The following IGF2R variants were observed in gnomAD, a reference collection of about 807,000 sequenced individuals.
The protein encoded by IGF2R is cation-independent mannose-6-phosphate receptor.
Under a neutral mutation model 270.6 loss-of-function variants are expected in IGF2R, and 91 were observed. The observed-to-expected ratio is 0.34, with a 90% CI of 0.28 to 0.40. The LOEUF is 0.40. Among genes scored for constraint, IGF2R ranks in the 10% least tolerant of loss-of-function variants. The pLI, the probability that IGF2R is intolerant of heterozygous loss-of-function variation, is 1.00. For synonymous variants in IGF2R, 1,316 were observed against 1,258.9 expected (o/e 1.05, Z -0.96); for missense variants, 2,805 against 3,188.3 (o/e 0.88, Z 2.90).
chr6:160,059,199 A>G, intron 22 of IGF2R, 101 bp downstream of exon 22: 2 of 953,156 alleles, frequency 2.1e-6, no homozygotes, highest in Admixed American at 2.3e-5. Context: ...ATCCCCCGCC[A>G]CCATGGGCTG....
At position 160,102,778 on chromosome 6, in the gene IGF2R, CA is replaced by C; in HGVS notation, c.6995+108del. 1.6e-6 allele frequency: 2 copies of C among 1,286,010 alleles called. No individual in the cohort carries two copies. The highest frequency in any genetic ancestry group is 2.1e-6 in the Non-Finnish European group (2 of 945,370). 79.7% of individuals were successfully genotyped at this position (1,286,010 alleles called of 1,614,324 possible). A position where few individuals can be genotyped will look rare whatever the true frequency, so the allele number is the denominator to read the frequency against. On this transcript the variant is annotated intron_variant, in intron 46 of 47. Coordinates refer to ENST00000356956, the MANE Select transcript of IGF2R (RefSeq NM_000876.4). The surrounding 1 kb of genome is among the most constrained non-coding windows in gnomAD (Gnocchi z 4.5). ...ATTTATTTGTTTTTAAGCCCTACAG[CA>C]GCGAAGGCTCGAGGTTCTTAGTCCA...
At chr6:160,027,895 A>G (rs1269884526) in intron 6 of IGF2R, among the ~76,000 whole-genome samples, 1 of 152,094 alleles carries the variant, frequency 6.6e-6, no homozygotes, top group Admixed American at 6.6e-5. Context: ...CTCCCCATTC[A>G]GAGGCCTTTG....
chr6:159,972,618 G>GC (rs1783627238), intron 1 of IGF2R, among the ~76,000 whole-genome samples: 1 of 152,220 alleles, frequency 6.6e-6, no homozygotes, highest in Non-Finnish European at 1.5e-5. Context: ...GGACATGAGG[G>GC]CCTGCTTCAG....
intron 37 of IGF2R, among the ~76,000 whole-genome samples, chr6:160,078,788 GATTGTGGC>G (rs1312399267): frequency 6.6e-6 from 1 of 152,196 alleles, no homozygotes; most frequent in Non-Finnish European, 1.5e-5. Flanking sequence ...GTTGTTTGCT[GATTGTGGC>G]AGCTTTGGGA....
chr6:159,969,505 T>G (rs2115161105), intron 1 of IGF2R, 110 bp downstream of exon 1: 6 of 803,770 alleles, frequency 7.5e-6, no homozygotes, highest in Non-Finnish European at 6.3e-6. Flanking sequence ...GTCGCCTCCG[T>G]TCCGCGCCGG....
At chr6:160,089,524 A>G (rs1200279853) in intron 43 of IGF2R, among the ~76,000 whole-genome samples, 1 of 152,246 alleles carries the variant, frequency 6.6e-6, no homozygotes, top group African/African-American at 2.4e-5. Context: ...TTGAAGCCGA[A>G]GCCTTCTGAC....
At chr6:159,991,030 C>T (rs1185875460) in intron 1 of IGF2R, among the ~76,000 whole-genome samples, 154 bp from the exon 2 acceptor site, 1 of 152,196 alleles carries the variant, frequency 6.6e-6, no homozygotes. Context: ...TTCTTTGCAA[C>T]TTAACATACT....
chr6:159,986,022 C>T (rs1322755850), intron 1 of IGF2R, among the ~76,000 whole-genome samples: 2 of 152,064 alleles, frequency 1.3e-5, no homozygotes, highest in African/African-American at 4.8e-5. Flanking sequence ...GAATTTTGTA[C>T]AACTGGGACA....
rs753624419 is a variant in IGF2R at position 160,096,451 on chromosome 6, A to C, written c.6668A>C (p.Asp2223Ala). ...TCCCGTTTGACAGACGGCGATCTCG[A>C]TGTCGTGTTTGCCTCTTCCTCTAAG... ...TKYYLQDGDL[D>A]VVFASSSKCG... is the part of the protein sequence containing the mutation. Residue 2223 changes from aspartate to alanine, a missense_variant, in exon 45 of 48, where the codon GAT (aspartate) becomes GCT (alanine). Asp to Ala is a moderately radical substitution (Grantham distance 126). Around this residue, in one of 2 missense-constraint regions of IGF2R, gnomAD observed 1,851 missense variants for 2,207.2 expected, o/e 0.84. Transcript: ENST00000356956. 4 of 1,610,604 alleles carry C rather than the reference A, an allele frequency of 2.5e-6. No homozygotes were observed. Among genetic ancestry groups the C allele is most frequent in the Non-Finnish European group, 1.7e-6 (2 of 1,178,118 alleles).
intron 20 of IGF2R, among the ~76,000 whole-genome samples, chr6:160,057,317 T>C (rs1248050661): frequency 1.3e-5 from 2 of 152,212 alleles, no homozygotes; most frequent in African/African-American, 2.4e-5. Context: ...CTCCCCAAGG[T>C]AGTGAGTTGT....
At chr6:160,015,488 C>T (rs1273605079) in intron 4 of IGF2R, among the ~76,000 whole-genome samples, 6 of 151,370 alleles carry the variant, frequency 4.0e-5, no homozygotes, top group Admixed American at 6.6e-5. Context: ...GAAACTGTAC[C>T]GCAAAGATGT....
At chr6:160,002,643 T>A (rs1239549067) in intron 2 of IGF2R, among the ~76,000 whole-genome samples, 2 of 152,196 alleles carry the variant, frequency 1.3e-5, no homozygotes, top group Non-Finnish European at 2.9e-5. Context: ...GTACCTCAGA[T>A]GTCTGGCTTA....
chr6:160,044,476 T>A, intron 12 of IGF2R, 38 bp from the exon 13 acceptor site: 1 of 1,514,988 alleles, frequency 6.6e-7, no homozygotes. Flanking sequence ...TGATCATTTT[T>A]AACCACATCT....
At chr6:159,969,909 T>C (rs370719312) in intron 1 of IGF2R, among the ~76,000 whole-genome samples, 1 of 152,000 alleles carries the variant, frequency 6.6e-6, no homozygotes, top group Non-Finnish European at 1.5e-5. Context: ...CTGATTGATT[T>C]CCCCCCGTGG....
intron 22 of IGF2R, 112 bp from the exon 23 acceptor site, chr6:160,060,435 G>A (rs1193654490): frequency 5.0e-6 from 5 of 1,009,952 alleles, no homozygotes; most frequent in South Asian, 3.0e-5. Context: ...TCCCACGAAC[G>A]GCTGTGAAGC....
At chr6:160,003,101 A>G (rs1032953045) in intron 2 of IGF2R, among the ~76,000 whole-genome samples, 9 of 152,176 alleles carry the variant, frequency 5.9e-5, no homozygotes, top group African/African-American at 2.2e-4. Context: ...TTGCCGTCCC[A>G]GGTGATTCAT....
chr6:160,025,057 A>C (rs550706134), intron 5 of IGF2R, among the ~76,000 whole-genome samples: 1 of 152,160 alleles, frequency 6.6e-6, no homozygotes, highest in East Asian at 1.9e-4. Flanking sequence ...CTGGGTGAAA[A>C]AGAAAAAGGG....
intron 44 of IGF2R, chr6:160,094,046 C>CT: frequency 3.5e-6 from 2 of 564,856 alleles, no homozygotes; most frequent in Non-Finnish European, 6.9e-6. Flanking sequence ...AGTACTGGAA[C>CT]TTGACAGTCC....
At chr6:160,088,196 AG>A in intron 42 of IGF2R, 49 bp downstream of exon 42, 1 of 1,187,648 alleles carries the variant, frequency 8.4e-7, no homozygotes, top group Non-Finnish European at 1.3e-6. Context: ...AGCATACTGG[AG>A]GGAATTCCTC....
Sources: gnomAD v4.1 joint callset for allele counts (sites outside exome capture counted in the v4.1 genomes callset) on GRCh38, gnomAD v4.1.1 for gene constraint, gnomAD v4.1.1 regional missense constraint, Gnocchi (gnomAD v3.1) non-coding constraint, MANE v1.5 for transcripts, NCBI Gene and HGNC (gene_info 2026-07-23, HGNC 2026-07-21) for gene names.